WDFY4: variants seen among roughly 807,000 people sequenced by gnomAD.
WDFY4 encodes the protein WDFY family member 4, also known as WD repeat- and FYVE domain-containing protein 4.
In WDFY4, 169 loss-of-function variants were observed where a neutral mutation model predicts 351.9. The observed-to-expected ratio is 0.48, with a 90% confidence interval of 0.42 to 0.55. The LOEUF (loss-of-function observed/expected upper bound fraction) is 0.55. Ranked by LOEUF, WDFY4 falls within the 20% of genes least tolerant of loss-of-function variation. The pLI is 0.00. For synonymous variants in WDFY4, 1,622 were observed against 1,574.6 expected, an observed-to-expected ratio of 1.03 and a Z score of -0.71; for missense variants, 3,803 against 3,935.6, an observed-to-expected ratio of 0.97 and a Z score of 0.90.
rs1180623226 is a variant in WDFY4 at position 48,743,045 on chromosome 10, T to C, written c.1956T>C (p.Ser652=). The change falls in exon 12 of 62, where the codon TCT becomes TCC. Residue 652 remains serine, a synonymous_variant. Coordinates refer to ENST00000325239, the MANE Select transcript of WDFY4 (RefSeq NM_001394531.1). ...RVSSGFNGLL[S]LLSDLEGSLQ... is the part of the protein sequence containing the mutation. ...CCAGCGGGTTCAACGGGCTGCTGTC[T>C]CTGCTCTCTGACCTGGAAGGCTCCC... The C allele has an allele frequency of 6.4e-7, 1 of 1,551,546 alleles. No homozygotes were observed. Among genetic ancestry groups the C allele is most frequent in the East Asian group, 2.4e-5 (1 of 40,922 alleles).
chr10:48,849,252 A>G (rs1331402755), intron 39 of WDFY4, among the ~76,000 whole-genome samples: 2 of 152,234 alleles, frequency 1.3e-5, no homozygotes, highest in African/African-American at 4.8e-5. Context: ...TCTAAAGTCT[A>G]TTTATAAAAT....
At chr10:48,769,032 C>T (rs1265890149) in intron 13 of WDFY4, among the ~76,000 whole-genome samples, 1 of 152,146 alleles carries the variant, frequency 6.6e-6, no homozygotes, top group Non-Finnish European at 1.5e-5. Flanking sequence ...GAGAAATATG[C>T]TGTAGATGTG....
intron 60 of WDFY4, among the ~76,000 whole-genome samples, chr10:48,980,281 A>T (rs976214620): frequency 1.8e-4 from 23 of 129,974 alleles, no homozygotes; most frequent in African/African-American, 5.6e-4. Flanking sequence ...TCTAATAAAA[A>T]GGCATGTTGT....
chr10:48,857,097 A>G (rs2069160017), intron 39 of WDFY4, among the ~76,000 whole-genome samples: 1 of 152,196 alleles, frequency 6.6e-6, no homozygotes, highest in South Asian at 2.1e-4. Context: ...TCTGCCAGTC[A>G]TTTGTTCAGA....
intron 40 of WDFY4, among the ~76,000 whole-genome samples, chr10:48,870,403 A>G (rs772643244): frequency 1.3e-5 from 2 of 152,130 alleles, no homozygotes; most frequent in African/African-American, 2.4e-5. Flanking sequence ...TTAGCCATGT[A>G]TAGTGGCACC....
At chr10:48,702,432 T>C (rs2063505090) in intron 1 of WDFY4, among the ~76,000 whole-genome samples, 1 of 152,220 alleles carries the variant, frequency 6.6e-6, no homozygotes, top group Non-Finnish European at 1.5e-5. Flanking sequence ...TTATTTTCTC[T>C]CCTTAACAAT....
chr10:48,732,130 C>T (rs1485724263), intron 9 of WDFY4, among the ~76,000 whole-genome samples: 3 of 152,212 alleles, frequency 2.0e-5, no homozygotes, highest in Non-Finnish European at 4.4e-5. Flanking sequence ...CCAATAGCCT[C>T]TGCTGTCCCC....
Position 48,779,979 on chromosome 10 carries a change from G to A in WDFY4, c.3436G>A (p.Gly1146Arg). 6.4e-7 allele frequency: 1 copy of A among 1,551,806 alleles called. No individual in the cohort carries two copies. Among genetic ancestry groups the A allele is most frequent in the South Asian group, 1.2e-5 (1 of 84,066 alleles). Residue 1146 changes from glycine (G) to arginine (R), a missense_variant, in exon 19 of 62, where the codon GGA becomes AGA. Gly to Arg is a moderately radical substitution (Grantham distance 125, BLOSUM62 -2). Transcript: ENST00000325239. ...EPEDDSEPSAGCQLQVRCGQL... is the reference protein window; with the variant it reads ...EPEDDSEPSARCQLQVRCGQL... Reference sequence around the variant, plus strand: ...TGAGGATGACTCCGAGCCTTCTGCAGGATGCCAGCTTCAGGTCAGGTGTGG... The same window carrying A: ...TGAGGATGACTCCGAGCCTTCTGCAAGATGCCAGCTTCAGGTCAGGTGTGG...
intron 1 of WDFY4, among the ~76,000 whole-genome samples, chr10:48,707,306 C>T (rs569420270): frequency 1.3e-5 from 2 of 152,302 alleles, no homozygotes; most frequent in South Asian, 4.1e-4. Context: ...GAAGAGCCTT[C>T]AGATGCTGTG....
intron 35 of WDFY4, among the ~76,000 whole-genome samples, chr10:48,824,593 G>A (rs2067934253): frequency 2.0e-5 from 3 of 152,086 alleles, no homozygotes; most frequent in South Asian, 2.1e-4. Context: ...TTAAATAGAG[G>A]CTTGAAAGTA....
chr10:48,868,355 T>C (rs1187365577), intron 40 of WDFY4, among the ~76,000 whole-genome samples: 5 of 152,176 alleles, frequency 3.3e-5, no homozygotes, highest in Non-Finnish European at 4.4e-5. Context: ...GATGTGATCA[T>C]GGCTGTGATA....
intron 25 of WDFY4, among the ~76,000 whole-genome samples, chr10:48,804,562 C>CA (rs58660119): frequency 0.02 from 2,022 of 101,616 alleles, 18 homozygotes; most frequent in Middle Eastern, 0.045. Context: ...TGTGTTAATA[C>CA]AAAAAAAAAA....
intron 7 of WDFY4, among the ~76,000 whole-genome samples, chr10:48,728,180 C>G (rs772145633): frequency 6.6e-6 from 1 of 152,226 alleles, no homozygotes; most frequent in Non-Finnish European, 1.5e-5. Flanking sequence ...GGTTTCCTTC[C>G]CTTCCCTGTC....
At chr10:48,757,638 CT>C (rs1196566204) in intron 12 of WDFY4, among the ~76,000 whole-genome samples, 7 of 150,568 alleles carry the variant, frequency 4.6e-5, no homozygotes, top group Non-Finnish European at 8.9e-5. Flanking sequence ...TTTGTTTTCT[CT>C]TTTTTTTTAC....
chr10:48,722,704 A>G (rs138838881), intron 4 of WDFY4, among the ~76,000 whole-genome samples: 9 of 152,334 alleles, frequency 5.9e-5, no homozygotes, highest in Admixed American at 1.3e-4. Flanking sequence ...TCATGCACAC[A>G]CACACACGTG....
In WDFY4 at chr10:48,922,237, C is replaced by A. The variant is rs537251864; in HGVS notation, c.7587-19569C>A. ...TGTTCTGAGTAGTATGAGGAAATCT[C>A]AGGCCATCCTGCTACATCCCACCCA... is the stretch of plus-strand genomic sequence containing the variant. On this transcript the variant is annotated intron_variant, in intron 47 of 61. Coordinates refer to ENST00000325239, the MANE Select transcript of WDFY4 (RefSeq NM_001394531.1). 2.6e-5 allele frequency among the ~76,000 whole-genome samples: 4 copies of A among 152,296 alleles called. No homozygotes were observed. In the East Asian group the frequency reaches 7.7e-4, roughly 29 times the overall value.
chr10:48,805,519 A>C (rs919327772), intron 26 of WDFY4, 98 bp downstream of exon 26: 2 of 1,429,104 alleles, frequency 1.4e-6, no homozygotes, highest in Non-Finnish European at 1.8e-6. Flanking sequence ...CTCAACCCTG[A>C]ATCACTTGGA....
rs750736309 is a variant in WDFY4 at position 48,743,108 on chromosome 10, C to A, written c.2019C>A (p.Ser673=). 3.2e-6 allele frequency: 5 copies of A among 1,551,698 alleles called. No individual in the cohort carries two copies. The South Asian group carries it at 5.9e-5, about 18-fold the overall frequency. Reference sequence around the variant, plus strand: ...CGCTGCAGGCATGGGGAGCAGTATCCCCCAGACAGACCCTGGAGCTGGTTT... The same window carrying A: ...CGCTGCAGGCATGGGGAGCAGTATCACCCAGACAGACCCTGGAGCTGGTTT... ...EPPLQAWGAV[S]PRQTLELVLY... is the part of the protein sequence containing the mutation. Residue 673 remains serine, a synonymous_variant, in exon 12 of 62, where the codon TCC becomes TCA. Coordinates refer to ENST00000325239, the MANE Select transcript of WDFY4 (RefSeq NM_001394531.1).
At position 48,735,917 on chromosome 10, in the gene WDFY4, G is replaced by A. The variant is rs762744939; in HGVS notation, c.1725G>A (p.Lys575=). The A allele has an allele frequency of 5.2e-6, 8 of 1,551,572 alleles. No individual in the cohort carries two copies. In the African/African-American group the frequency reaches 8.2e-5, roughly 16 times the overall value. Reference sequence around the variant, plus strand: ...ACCACGGCATGGTGCCCTTCATCAAGATCTTCCTGGATGACGAGTGCTACC... The same window carrying A: ...ACCACGGCATGGTGCCCTTCATCAAAATCTTCCTGGATGACGAGTGCTACC... ...LKDHGMVPFI[K]IFLDDECYRE... Residue 575 remains lysine (K), a synonymous_variant, in exon 11 of 62, where the codon AAG becomes AAA. Coordinates refer to ENST00000325239, the MANE Select transcript of WDFY4 (RefSeq NM_001394531.1).
Sources: gnomAD v4.1 joint callset for allele counts (sites outside exome capture counted in the v4.1 genomes callset) on GRCh38, gnomAD v4.1.1 for gene constraint, MANE v1.5 for transcripts, NCBI Gene and HGNC (gene_info 2026-07-23, HGNC 2026-07-21) for gene names.